FSTL5: variants seen among roughly 807,000 people sequenced by gnomAD.
The protein encoded by FSTL5 is follistatin like 5.
In FSTL5, 62 loss-of-function variants were observed where a neutral mutation model predicts 89.1. The observed-to-expected ratio is 0.70, with a 90% CI of 0.57 to 0.86. FSTL5 has a LOEUF of 0.86. Ranked by LOEUF, FSTL5 falls within the 40% of genes least tolerant of loss-of-function variation. The pLI is 0.00. For synonymous variants in FSTL5, 383 were observed against 346.2 expected, an observed-to-expected ratio of 1.11 and a Z score of -1.18; for missense variants, 1,057 against 1,001.6, an observed-to-expected ratio of 1.06 and a Z score of -0.75.
intron 2 of FSTL5, among the ~76,000 whole-genome samples, chr4:162,072,365 CT>C (rs1729661929): frequency 6.6e-6 from 1 of 151,484 alleles, no homozygotes; most frequent in Non-Finnish European, 1.5e-5. Flanking sequence ...TTCTTCCAGA[CT>C]ATAAAGGTGA....
intron 3 of FSTL5, among the ~76,000 whole-genome samples, chr4:161,979,347 A>G (rs939680483): frequency 1.3e-5 from 2 of 152,200 alleles, no homozygotes; most frequent in African/African-American, 4.8e-5. Context: ...TGAGGGAAAA[A>G]TAAATGTGCT....
intron 5 of FSTL5, among the ~76,000 whole-genome samples, chr4:161,769,232 A>G (rs1267015874): frequency 1.3e-5 from 2 of 151,956 alleles, no homozygotes; most frequent in African/African-American, 4.8e-5. Flanking sequence ...CTGGGACCCA[A>G]GCTTCTCTGC....
At chr4:161,584,503 T>C (rs896321489) in intron 8 of FSTL5, among the ~76,000 whole-genome samples, 8 of 152,222 alleles carry the variant, frequency 5.3e-5, no homozygotes, top group African/African-American at 1.9e-4. Flanking sequence ...AAGATGATCA[T>C]ATCTGTAACT....
rs1487191591 is a variant in FSTL5 at position 161,653,650 on chromosome 4, A to T, written c.894+2678T>A. 2.0e-5 allele frequency among the ~76,000 whole-genome samples: 3 copies of T among 152,184 alleles called. No individual in the cohort carries two copies. The East Asian group carries it at 5.8e-4, about 29-fold the overall frequency. Reference sequence around the variant, plus strand: ...TATATGTTGTTTATTTACACAGTAAAGTCCTTATTAGCAAATTTTAAGCAT... The same window carrying T: ...TATATGTTGTTTATTTACACAGTAATGTCCTTATTAGCAAATTTTAAGCAT... On this transcript the variant is annotated intron_variant, in intron 7 of 15. Transcript: ENST00000306100.
At chr4:161,748,316 A>G (rs1740273290) in intron 6 of FSTL5, among the ~76,000 whole-genome samples, 1 of 152,160 alleles carries the variant, frequency 6.6e-6, no homozygotes, top group African/African-American at 2.4e-5. Context: ...AGTATTTTGC[A>G]CATACCTTTT....
rs199760342 is a variant in FSTL5 at position 161,587,432 on chromosome 4, G to C, written c.1015+23C>G. ...AACTATGGTGTTCTTTGAATAGTTA[G>C]GGTAACAAAAATCACTTCTTACCAT... On this transcript the variant is annotated intron_variant, in intron 8 of 15. Transcript: ENST00000306100. The C allele has an allele frequency of 3.4e-4, 547 of 1,610,502 alleles. 3 individuals carry two copies. The African/African-American group carries it at 6.6e-3, about 20-fold the overall frequency.
intron 6 of FSTL5, among the ~76,000 whole-genome samples, chr4:161,740,909 G>A (rs1325821244): frequency 6.6e-6 from 1 of 152,150 alleles, no homozygotes; most frequent in Non-Finnish European, 1.5e-5. Context: ...AGCATCTGGT[G>A]AGGGCCCACT....
At chr4:161,825,870 T>C (rs572332724) in intron 4 of FSTL5, among the ~76,000 whole-genome samples, 1 of 152,088 alleles carries the variant, frequency 6.6e-6, no homozygotes, top group South Asian at 2.1e-4. Context: ...TGTATTTTTT[T>C]ATTTCATTTA....
At chr4:161,709,197 A>G (rs569756128) in intron 6 of FSTL5, among the ~76,000 whole-genome samples, 2 of 152,144 alleles carry the variant, frequency 1.3e-5, no homozygotes, top group African/African-American at 4.8e-5. Context: ...TAAATAAAAA[A>G]TTATTTTCCT....
intron 6 of FSTL5, among the ~76,000 whole-genome samples, chr4:161,663,170 C>A (rs1433845136): frequency 6.6e-6 from 1 of 152,064 alleles, no homozygotes; most frequent in Non-Finnish European, 1.5e-5. Context: ...CAAATCATAT[C>A]ATTCCTCCTC....
At chr4:162,032,318 C>T (rs1160568896) in intron 3 of FSTL5, among the ~76,000 whole-genome samples, 1 of 152,204 alleles carries the variant, frequency 6.6e-6, no homozygotes, top group South Asian at 2.1e-4. Context: ...CATTCAAATG[C>T]ACATCATACA....
chr4:162,146,752 T>TTCTC lies in FSTL5; in HGVS notation c.-17+16859_-17+16862dup, dbSNP rs373161292. ...CTTCCCTCCTTTCTTTCTTTCTCCT[T>TTCTC]TCTCTCTCTCTCTCTCTCTCTTTCT... On this transcript the variant is annotated intron_variant, in intron 1 of 15. Coordinates refer to ENST00000306100, the MANE Select transcript of FSTL5 (RefSeq NM_020116.5). 4.0e-3 allele frequency among the ~76,000 whole-genome samples: 473 copies of TTCTC among 117,938 alleles called. 5 individuals are homozygous for TTCTC. The highest frequency in any genetic ancestry group is 0.012 in the African/African-American group (423 of 36,046). The allele number at this position is 117,938 out of a possible 152,430, so 77.4% of individuals were successfully genotyped here.
chr4:162,072,261 A>G (rs1729656476), intron 2 of FSTL5, among the ~76,000 whole-genome samples: 1 of 151,848 alleles, frequency 6.6e-6, no homozygotes, highest in Admixed American at 6.6e-5. Flanking sequence ...CTGCAAAGCC[A>G]AAGTGTGTTT....
At chr4:161,719,098 T>A (rs186870527) in intron 6 of FSTL5, among the ~76,000 whole-genome samples, 1 of 152,342 alleles carries the variant, frequency 6.6e-6, no homozygotes, top group East Asian at 1.9e-4. Flanking sequence ...AAATTTTAAA[T>A]CATTAAAACC....
intron 4 of FSTL5, among the ~76,000 whole-genome samples, chr4:161,917,520 C>T (rs926779404): frequency 3.3e-5 from 5 of 152,128 alleles, no homozygotes; most frequent in Admixed American, 3.3e-4. Flanking sequence ...AATATCCTAA[C>T]CAGGATATTG....
chr4:161,393,560 A>G (rs1225787165), intron 15 of FSTL5, among the ~76,000 whole-genome samples: 1 of 152,080 alleles, frequency 6.6e-6, no homozygotes, highest in Non-Finnish European at 1.5e-5. Flanking sequence ...TTGTTATGTT[A>G]GGCTTTCATT....
intron 10 of FSTL5, among the ~76,000 whole-genome samples, chr4:161,516,366 C>G (rs1011132502): frequency 2.9e-5 from 4 of 138,610 alleles, no homozygotes; most frequent in Non-Finnish European, 6.2e-5. Flanking sequence ...TATGCCACTA[C>G]TGTTATATAT....
intron 6 of FSTL5, among the ~76,000 whole-genome samples, chr4:161,749,313 A>T (rs1393647384): frequency 6.6e-6 from 1 of 152,172 alleles, no homozygotes; most frequent in Non-Finnish European, 1.5e-5. Context: ...ATTTAAAAAA[A>T]TGTGGTACAT....
chr4:161,731,540 T>C (rs891105738), intron 6 of FSTL5, among the ~76,000 whole-genome samples: 1 of 151,964 alleles, frequency 6.6e-6, no homozygotes, highest in Non-Finnish European at 1.5e-5. Flanking sequence ...TCACCTTTAC[T>C]ATGATTGTAA....
Sources: gnomAD v4.1 joint callset for allele counts (sites outside exome capture counted in the v4.1 genomes callset) on GRCh38, gnomAD v4.1.1 for gene constraint, MANE v1.5 for transcripts, NCBI Gene and HGNC (gene_info 2026-07-23, HGNC 2026-07-21) for gene names.